PHLPP1: variants seen among roughly 807,000 people sequenced by gnomAD.
PHLPP1 encodes the protein PH domain leucine-rich repeat-containing protein phosphatase 1.
PHLPP1 carries 42 observed loss-of-function variants against 117.2 expected under a neutral mutation model. That is an observed-to-expected ratio of 0.36 (90% CI 0.28 to 0.46). The LOEUF (loss-of-function observed/expected upper bound fraction) is 0.46, where lower values mean the gene tolerates loss of function less well. PHLPP1 is among the 20% of genes least tolerant of loss of function. PHLPP1 has a pLI of 1.00. For synonymous variants in PHLPP1, 1,042 were observed against 970.7 expected, an observed-to-expected ratio of 1.07 and a Z score of -1.37; for missense variants, 2,084 against 2,241.9, an observed-to-expected ratio of 0.93 and a Z score of 1.42.
intron 1 of PHLPP1, among the ~76,000 whole-genome samples, chr18:62,803,806 C>T (rs1913854527): frequency 6.6e-6 from 1 of 152,210 alleles, no homozygotes; most frequent in Non-Finnish European, 1.5e-5. Context: ...TATATTTCCA[C>T]AGCAATATAT....
chr18:62,929,353 T>A (rs930840340), intron 10 of PHLPP1, among the ~76,000 whole-genome samples: 1 of 152,064 alleles, frequency 6.6e-6, no homozygotes, highest in Non-Finnish European at 1.5e-5. Context: ...TTAAATAAAT[T>A]GTAATTTATA....
chr18:62,967,901 C>T (rs557265517), intron 14 of PHLPP1, among the ~76,000 whole-genome samples: 8 of 151,670 alleles, frequency 5.3e-5, no homozygotes, highest in South Asian at 2.1e-4. Context: ...CTCGGTTCAC[C>T]GCAACCTCCG....
intron 1 of PHLPP1, among the ~76,000 whole-genome samples, chr18:62,730,873 G>A (rs1911207398): frequency 6.6e-6 from 1 of 151,552 alleles, no homozygotes; most frequent in East Asian, 1.9e-4. Flanking sequence ...TGTAAACTGT[G>A]AATGTTATAC....
At chr18:62,837,358 A>G (rs1331003454) in intron 2 of PHLPP1, among the ~76,000 whole-genome samples, 5 of 152,090 alleles carry the variant, frequency 3.3e-5, no homozygotes, top group Non-Finnish European at 7.4e-5. Context: ...TTTTCTAAGA[A>G]TTTGTCACAA....
intron 1 of PHLPP1, among the ~76,000 whole-genome samples, chr18:62,760,436 A>G (rs1568106296): frequency 6.6e-6 from 1 of 152,174 alleles, no homozygotes; most frequent in Non-Finnish European, 1.5e-5. Context: ...TAGGTTTTCT[A>G]CCTTGATTGC....
chr18:62,766,243 G>T (rs901035969), intron 1 of PHLPP1, among the ~76,000 whole-genome samples: 1 of 149,794 alleles, frequency 6.7e-6, no homozygotes, highest in Admixed American at 6.7e-5. Context: ...CCTGGCTTTG[G>T]GGGCAACTTG....
At chr18:62,747,263 C>T (rs1229199857) in intron 1 of PHLPP1, among the ~76,000 whole-genome samples, 1 of 139,176 alleles carries the variant, frequency 7.2e-6, no homozygotes, top group Non-Finnish European at 1.6e-5. Context: ...AATTTTTAGG[C>T]TTTCTTCATT....
chr18:62,827,584 C>T (rs118133802), intron 1 of PHLPP1, among the ~76,000 whole-genome samples: 2,728 of 152,232 alleles, frequency 0.018, 52 homozygotes, highest in South Asian at 0.024. Flanking sequence ...CTGGTACACC[C>T]AGGGAGAGGA....
Position 62,958,718 on chromosome 18 carries a change from C to T in PHLPP1, c.3414C>T (p.Asn1138=). Residue 1138 remains asparagine, a synonymous_variant, in exon 13 of 17, where the codon AAC becomes AAT. Coordinates refer to ENST00000262719, the MANE Select transcript of PHLPP1 (RefSeq NM_194449.4). ...TGCAGGAGCTAGACCTGACTGGAAA[C>T]CCGCGCCTTGTCCTTGATCACAAAA... is the stretch of plus-strand genomic sequence containing the variant. ...PKLQELDLTG[N]PRLVLDHKTL... 6.2e-7 allele frequency: 1 copy of T among 1,613,980 alleles called. No homozygotes were observed. The highest frequency in any genetic ancestry group is 1.1e-5 in the South Asian group (1 of 91,086).
chr18:62,717,274 T>C lies in PHLPP1; in HGVS notation c.1576+15T>C, dbSNP rs745491842. 4 of 1,545,102 alleles carry C rather than the reference T, an allele frequency of 2.6e-6. No individual in the cohort carries two copies. ...CTTCTATGCAGGTAAGGAAGTCACC[T>C]GCCTTGACGGGTGGTTGCAAAAGCT... On this transcript the variant is annotated intron_variant, in intron 1 of 16. Transcript: ENST00000262719.
chr18:62,766,863 T>C (rs1012595149), intron 1 of PHLPP1, among the ~76,000 whole-genome samples: 2 of 152,202 alleles, frequency 1.3e-5, no homozygotes, highest in South Asian at 4.1e-4. Context: ...CACTAACTCT[T>C]AAGAGTTATG....
At chr18:62,928,154 A>ATG (rs1244246036) in intron 10 of PHLPP1, among the ~76,000 whole-genome samples, 1 of 152,174 alleles carries the variant, frequency 6.6e-6, no homozygotes, top group Non-Finnish European at 1.5e-5. Context: ...ACTGTTAAAC[A>ATG]TGTAAGCACC....
At chr18:62,927,194 C>T (rs1369506398) in intron 10 of PHLPP1, among the ~76,000 whole-genome samples, 1 of 152,114 alleles carries the variant, frequency 6.6e-6, no homozygotes, top group Non-Finnish European at 1.5e-5. Context: ...CTACTCAGTC[C>T]AAACAAAGAG....
intron 4 of PHLPP1, among the ~76,000 whole-genome samples, chr18:62,881,995 A>T (rs569822017): frequency 6.6e-6 from 1 of 152,324 alleles, no homozygotes; most frequent in Admixed American, 6.5e-5. Flanking sequence ...GTCCGAAAGG[A>T]ACATGGGGCA....
At chr18:62,771,494 A>G (rs1231496219) in intron 1 of PHLPP1, among the ~76,000 whole-genome samples, 1 of 152,202 alleles carries the variant, frequency 6.6e-6, no homozygotes, top group South Asian at 2.1e-4. Flanking sequence ...GCCCCAATGA[A>G]CAATGGCAGG....
At chr18:62,736,375 G>A (rs533965418) in intron 1 of PHLPP1, among the ~76,000 whole-genome samples, 282 of 152,278 alleles carry the variant, frequency 1.9e-3, no homozygotes, top group African/African-American at 6.5e-3. Flanking sequence ...TGGTTCAGGC[G>A]AGACACTGAG....
intron 10 of PHLPP1, among the ~76,000 whole-genome samples, chr18:62,940,479 C>G (rs1910100510): frequency 6.7e-6 from 1 of 149,516 alleles, no homozygotes; most frequent in Non-Finnish European, 1.5e-5. Context: ...ATTCTCCTGC[C>G]TCAGCCTCCC....
intron 11 of PHLPP1, among the ~76,000 whole-genome samples, chr18:62,942,310 G>A (rs1910152542): frequency 6.6e-6 from 1 of 152,060 alleles, no homozygotes; most frequent in South Asian, 2.1e-4. Context: ...CACTTGAGCT[G>A]AAGAATTCGA....
chr18:62,853,556 G>A (rs559448066), intron 3 of PHLPP1, among the ~76,000 whole-genome samples: 4 of 152,078 alleles, frequency 2.6e-5, no homozygotes, highest in Non-Finnish European at 4.4e-5. Context: ...TTTCAGTAGA[G>A]ATGGAGTTTC....
Sources: allele counts gnomAD v4.1 joint callset (sites outside exome capture counted in the v4.1 genomes callset), GRCh38; gene constraint gnomAD v4.1.1; transcripts MANE v1.5; gene names NCBI Gene and HGNC (gene_info 2026-07-23, HGNC 2026-07-21).